Variants in GRIK4 observed in about 807,000 individuals in gnomAD.
The protein encoded by GRIK4 is glutamate ionotropic receptor kainate type subunit 4, also known as glutamate receptor ionotropic, kainate 4.
GRIK4 carries 40 observed loss-of-function variants against 104.9 expected under a neutral mutation model. The ratio of observed to expected loss-of-function variants is 0.38; its 90% CI spans 0.30 to 0.50. GRIK4 has a LOEUF of 0.50. Ranked by LOEUF, GRIK4 falls within the 20% of genes least tolerant of loss-of-function variation. GRIK4 has a pLI of 0.93. For missense variants in GRIK4, 1,047 were observed against 1,308.1 expected (o/e 0.80, Z 3.08); for synonymous variants, 485 against 524.9 (o/e 0.92, Z 1.04).
intron 14 of GRIK4, among the ~76,000 whole-genome samples, chr11:120,943,154 C>CA: frequency 9.3e-6 from 1 of 107,840 alleles, no homozygotes. Flanking sequence ...ACACACACCC[C>CA]CCTGACTGTT....
chr11:120,808,951 G>A (rs561002030), intron 4 of GRIK4, among the ~76,000 whole-genome samples: 8 of 152,128 alleles, frequency 5.3e-5, no homozygotes, highest in Admixed American at 1.3e-4. Context: ...GCACTGAGCA[G>A]CTCCTCACTG....
At chr11:120,704,735 C>CTT (rs774632394) in intron 3 of GRIK4, among the ~76,000 whole-genome samples, 2 of 143,116 alleles carry the variant, frequency 1.4e-5, no homozygotes, top group Non-Finnish European at 3.1e-5. Context: ...ACTCTGCAAA[C>CTT]TTTTTTTTTT....
intron 3 of GRIK4, among the ~76,000 whole-genome samples, chr11:120,796,592 C>T (rs1952522752): frequency 6.6e-6 from 1 of 151,912 alleles, no homozygotes; most frequent in South Asian, 2.1e-4. Flanking sequence ...GAGAAGAGCC[C>T]TGGTAGGGAA....
intron 3 of GRIK4, among the ~76,000 whole-genome samples, chr11:120,766,249 C>T (rs1419908794): frequency 2.6e-5 from 4 of 152,220 alleles, no homozygotes; most frequent in Admixed American, 2.0e-4. Context: ...TTTGTTTACA[C>T]TGTAAGGGGA....
intron 8 of GRIK4, among the ~76,000 whole-genome samples, chr11:120,844,473 C>T (rs1362623675): frequency 6.6e-6 from 1 of 152,198 alleles, no homozygotes; most frequent in Non-Finnish European, 1.5e-5. Context: ...TGGCCTCCTA[C>T]ATAGTAGGCA....
intron 3 of GRIK4, among the ~76,000 whole-genome samples, chr11:120,759,911 G>A (rs995605846): frequency 6.6e-6 from 1 of 151,900 alleles, no homozygotes; most frequent in Non-Finnish European, 1.5e-5. Flanking sequence ...ATAGTAAGAT[G>A]GTTGCTATAG....
intron 1 of GRIK4, among the ~76,000 whole-genome samples, chr11:120,586,524 A>T (rs1337853769): frequency 6.6e-6 from 1 of 152,080 alleles, no homozygotes; most frequent in Non-Finnish European, 1.5e-5. Flanking sequence ...TTCCTCAGAG[A>T]CATGTTTTAG....
intron 1 of GRIK4, among the ~76,000 whole-genome samples, chr11:120,591,490 A>G (rs1001488909): frequency 1.3e-5 from 2 of 152,152 alleles, no homozygotes; most frequent in Non-Finnish European, 2.9e-5. Context: ...CCCACTAGCC[A>G]TAGCACTAAT....
intron 13 of GRIK4, among the ~76,000 whole-genome samples, chr11:120,920,467 G>C (rs995910893): frequency 6.6e-6 from 1 of 152,036 alleles, no homozygotes; most frequent in Non-Finnish European, 1.5e-5. Context: ...CTCCCAGGCC[G>C]GCCTGGGTTC....
At chr11:120,800,845 G>T (rs1033376611) in intron 3 of GRIK4, among the ~76,000 whole-genome samples, 2 of 152,214 alleles carry the variant, frequency 1.3e-5, no homozygotes, top group Non-Finnish European at 2.9e-5. Context: ...CAAGGGCCAC[G>T]TGTCAGTGAA....
chr11:120,784,310 A>G (rs761609810), intron 3 of GRIK4, among the ~76,000 whole-genome samples: 1 of 152,124 alleles, frequency 6.6e-6, no homozygotes, highest in Non-Finnish European at 1.5e-5. Context: ...AAGACCCATT[A>G]CTTGTGCTTT....
chr11:120,625,539 G>A (rs1299259079), intron 1 of GRIK4, among the ~76,000 whole-genome samples: 14 of 152,182 alleles, frequency 9.2e-5, no homozygotes. Context: ...TCACATCTGA[G>A]ATGCTGATTA....
intron 1 of GRIK4, among the ~76,000 whole-genome samples, chr11:120,554,714 A>G (rs981226688): frequency 8.6e-5 from 13 of 151,968 alleles, no homozygotes; most frequent in Non-Finnish European, 1.6e-4. Flanking sequence ...GCCCGCCACC[A>G]TGCCTGGCTG....
intron 3 of GRIK4, among the ~76,000 whole-genome samples, chr11:120,794,618 G>A (rs1216436158): frequency 3.3e-5 from 5 of 152,142 alleles, no homozygotes; most frequent in Non-Finnish European, 7.4e-5. Flanking sequence ...CAGGGAGAAG[G>A]TGCCATCCGC....
chr11:120,872,166 G>A, intron 9 of GRIK4: 1 of 328,624 alleles, frequency 3.0e-6, no homozygotes, highest in Non-Finnish European at 6.0e-6. Context: ...AGTTTGCAGA[G>A]CACTTTTACA....
At chr11:120,730,785 T>C (rs1456011560) in intron 3 of GRIK4, among the ~76,000 whole-genome samples, 3 of 152,210 alleles carry the variant, frequency 2.0e-5, no homozygotes, top group Non-Finnish European at 4.4e-5. Flanking sequence ...TTCACCTCTT[T>C]AGTTAAATTA....
intron 3 of GRIK4, among the ~76,000 whole-genome samples, chr11:120,695,787 G>C (rs1211490115): frequency 1.3e-5 from 2 of 152,152 alleles, no homozygotes; most frequent in African/African-American, 4.8e-5. Context: ...GCAGAGGCCT[G>C]GCAGGTTGGC....
intron 1 of GRIK4, among the ~76,000 whole-genome samples, chr11:120,615,591 C>T (rs1949101306): frequency 6.6e-6 from 1 of 152,216 alleles, no homozygotes; most frequent in Non-Finnish European, 1.5e-5. Context: ...CATGCCAGCT[C>T]TGGCTTGTCA....
At chr11:120,634,047 C>T (rs745704923) in intron 1 of GRIK4, among the ~76,000 whole-genome samples, 3 of 152,150 alleles carry the variant, frequency 2.0e-5, no homozygotes, top group Non-Finnish European at 4.4e-5. Context: ...AGCAGTGTAA[C>T]GTTAGAGCAG....
Sources: allele counts gnomAD v4.1 joint callset (sites outside exome capture counted in the v4.1 genomes callset), GRCh38; gene constraint gnomAD v4.1.1; transcripts MANE v1.5; gene names NCBI Gene and HGNC (gene_info 2026-07-23, HGNC 2026-07-21).